TIAM2: variants seen among roughly 807,000 people sequenced by gnomAD.
The protein encoded by TIAM2 is rho guanine nucleotide exchange factor TIAM2.
In TIAM2, 80 loss-of-function variants were observed where a neutral mutation model predicts 152.9. The ratio of observed to expected loss-of-function variants is 0.52; its 90% confidence interval spans 0.44 to 0.63. The LOEUF (loss-of-function observed/expected upper bound fraction) is 0.63. Ranked by LOEUF, TIAM2 falls within the 30% of genes least tolerant of loss-of-function variation. The pLI, the probability that TIAM2 is intolerant of heterozygous loss-of-function variation, is 0.00. For missense variants in TIAM2, 1,965 were observed against 2,120.1 expected, an observed-to-expected ratio of 0.93 and a Z score of 1.44; for synonymous variants, 804 against 838.0, an observed-to-expected ratio of 0.96 and a Z score of 0.70.
chr6:155,105,983 A>ATTTTAT (rs1554230734), intron 2 of TIAM2, among the ~76,000 whole-genome samples: 3 of 140,524 alleles, frequency 2.1e-5, no homozygotes, highest in African/African-American at 8.0e-5. Context: ...GGGTATTTTT[A>ATTTTAT]TTTATTTTAT....
chr6:155,056,725 CTAT>C, intron 1 of TIAM2, among the ~76,000 whole-genome samples: 1 of 152,140 alleles, frequency 6.6e-6, no homozygotes, highest in African/African-American at 2.4e-5. Flanking sequence ...CCAGCTTCCC[CTAT>C]TATTAACATC....
intron 1 of TIAM2, among the ~76,000 whole-genome samples, chr6:155,083,861 G>A (rs903338584): frequency 2.0e-5 from 3 of 152,284 alleles, no homozygotes; most frequent in South Asian, 2.1e-4. Context: ...GATGACATAC[G>A]AAACCAGATA....
intron 1 of TIAM2, among the ~76,000 whole-genome samples, chr6:155,052,194 A>G (rs1243029229): frequency 6.6e-6 from 1 of 152,174 alleles, no homozygotes; most frequent in Admixed American, 6.5e-5. Context: ...TTAACTATTT[A>G]GTGCTGCTAT....
intron 15 of TIAM2, among the ~76,000 whole-genome samples, chr6:155,221,276 G>A (rs1562359060): frequency 6.6e-6 from 1 of 152,092 alleles, no homozygotes. Flanking sequence ...GGAGGATCAG[G>A]GCCTGTCAGG....
chr6:155,219,078 C>CCG (rs1781956760), intron 15 of TIAM2, among the ~76,000 whole-genome samples: 1 of 152,184 alleles, frequency 6.6e-6, no homozygotes, highest in Non-Finnish European at 1.5e-5. Context: ...ACCATCTCAG[C>CCG]TGCCCACCTA....
chr6:155,070,624 C>T (rs1303482433), intron 1 of TIAM2, among the ~76,000 whole-genome samples: 1 of 152,106 alleles, frequency 6.6e-6, no homozygotes, highest in African/African-American at 2.4e-5. Context: ...AAGCATCTTT[C>T]CTGAATTTAA....
chr6:155,108,561 A>G (rs183084518), intron 2 of TIAM2, among the ~76,000 whole-genome samples: 12 of 152,344 alleles, frequency 7.9e-5, no homozygotes, highest in Admixed American at 7.8e-4. Flanking sequence ...TTGAATGCAA[A>G]TAGATAACAC....
chr6:155,079,063 T>A (rs570056722), intron 1 of TIAM2, among the ~76,000 whole-genome samples: 1 of 152,234 alleles, frequency 6.6e-6, no homozygotes, highest in Admixed American at 6.5e-5. Context: ...TCTTTGTTTT[T>A]TTGTTTTTGT....
At chr6:155,122,360 A>G (rs113259296) in intron 2 of TIAM2, among the ~76,000 whole-genome samples, 115 of 139,658 alleles carry the variant, frequency 8.2e-4, no homozygotes, top group African/African-American at 2.9e-3. Flanking sequence ...TGGAGAATGG[A>G]AGGTAGGATT....
Position 155,110,318 on chromosome 6 carries a change from C to CTTTT in TIAM2, c.-117-17164_-117-17161dup, listed in dbSNP as rs67332964. Among the ~76,000 whole-genome samples, 15 of 133,796 alleles carry CTTTT rather than the reference C, an allele frequency of 1.1e-4. 1 individual carries two copies. Among genetic ancestry groups the CTTTT allele is most frequent in the Admixed American group, 1.6e-4 (2 of 12,182 alleles). 87.8% of individuals were successfully genotyped at this position (133,796 alleles called of 152,430 possible). ...TCCTTCTTCCTTTCCTCTTTCTTTTCTTTTTTTTTTTGTTGTTCTTTCTTT... is the reference window on the plus strand; with the variant it reads ...TCCTTCTTCCTTTCCTCTTTCTTTTCTTTTTTTTTTTTTTTGTTGTTCTTTCTTT... On this transcript the variant is annotated intron_variant, in intron 2 of 26. Coordinates refer to ENST00000682666, the MANE Select transcript of TIAM2 (RefSeq NM_012454.4).
intron 1 of TIAM2, among the ~76,000 whole-genome samples, chr6:155,014,976 T>G (rs1357953574): frequency 6.6e-6 from 1 of 151,704 alleles, no homozygotes. Flanking sequence ...GGCTTGAAAG[T>G]GTGGTTAGGA....
intron 1 of TIAM2, among the ~76,000 whole-genome samples, chr6:155,025,351 G>A (rs940274282): frequency 4.6e-5 from 7 of 151,974 alleles, no homozygotes; most frequent in Admixed American, 3.3e-4. Context: ...CTGCCACCAC[G>A]CCCGGCTAAT....
chr6:155,047,699 GA>G (rs1381192592), intron 1 of TIAM2, among the ~76,000 whole-genome samples: 2,379 of 26,388 alleles, frequency 0.09, 137 homozygotes, highest in Non-Finnish European at 0.11. Flanking sequence ...GAGAGAGAGA[GA>G]GAGAGCGAGA....
chr6:155,031,928 A>G (rs1235968918), intron 1 of TIAM2, among the ~76,000 whole-genome samples: 1 of 152,198 alleles, frequency 6.6e-6, no homozygotes, highest in Non-Finnish European at 1.5e-5. Context: ...AATTTGAGGT[A>G]TCTATGAAAG....
chr6:155,093,501 A>T (rs999940901), intron 2 of TIAM2, among the ~76,000 whole-genome samples: 8 of 152,326 alleles, frequency 5.3e-5, no homozygotes, highest in African/African-American at 1.9e-4. Context: ...AGCAGATGTC[A>T]TGTGTAAGGG....
intron 1 of TIAM2, among the ~76,000 whole-genome samples, chr6:155,086,576 G>A (rs9480045): frequency 0.29 from 43,372 of 151,680 alleles, 6,899 homozygotes; most frequent in Non-Finnish European, 0.36. Context: ...GTGTGGTGGC[G>A]TGCACCTGTA....
chr6:155,107,342 T>C (rs892868986), intron 2 of TIAM2, among the ~76,000 whole-genome samples: 2 of 152,264 alleles, frequency 1.3e-5, no homozygotes, highest in African/African-American at 4.8e-5. Flanking sequence ...TTGTTGCCTT[T>C]AAATTGGAGT....
intron 15 of TIAM2, among the ~76,000 whole-genome samples, chr6:155,225,215 C>G (rs1387131919): frequency 6.6e-6 from 1 of 152,164 alleles, no homozygotes; most frequent in Non-Finnish European, 1.5e-5. Flanking sequence ...CTCGGCCTCC[C>G]AAAGTGCTGG....
At chr6:155,153,677 A>G (rs1780033153) in intron 7 of TIAM2, among the ~76,000 whole-genome samples, 2 of 127,944 alleles carry the variant, frequency 1.6e-5, no homozygotes, top group African/African-American at 6.0e-5. Flanking sequence ...GCTGGAGGGT[A>G]GTGGCGCAAT....
Sources: gnomAD v4.1 joint callset for allele counts (sites outside exome capture counted in the v4.1 genomes callset) on GRCh38, gnomAD v4.1.1 for gene constraint, MANE v1.5 for transcripts, NCBI Gene and HGNC (gene_info 2026-07-23, HGNC 2026-07-21) for gene names.